The following AKT3 variants were observed in gnomAD, a reference collection of about 807,000 sequenced individuals.
AKT3 encodes the protein AKT serine/threonine kinase 3.
Under a neutral mutation model 65.3 loss-of-function variants are expected in AKT3, and 15 were observed. The ratio of observed to expected loss-of-function variants is 0.23; its 90% CI spans 0.15 to 0.35. AKT3 has a LOEUF of 0.35. AKT3 is among the 10% of genes least tolerant of loss of function. The pLI, the probability that AKT3 is intolerant of heterozygous loss-of-function variation, is 1.00. For synonymous variants in AKT3, 206 were observed against 183.8 expected, an observed-to-expected ratio of 1.12 and a Z score of -0.98; for missense variants, 243 against 576.5, an observed-to-expected ratio of 0.42 and a Z score of 5.92.
chr1:243,536,253 T>C (rs908899935), intron 12 of AKT3, among the ~76,000 whole-genome samples: 1 of 152,134 alleles, frequency 6.6e-6, no homozygotes, highest in Non-Finnish European at 1.5e-5. Context: ...TTTATTTTTG[T>C]TTTTACTGTA....
chr1:243,568,384 CT>C (rs1178421665), intron 9 of AKT3, among the ~76,000 whole-genome samples: 1 of 151,488 alleles, frequency 6.6e-6, no homozygotes, highest in Non-Finnish European at 1.5e-5. Context: ...CTAAGTAATG[CT>C]TACTATTTCT....
intron 2 of AKT3, among the ~76,000 whole-genome samples, chr1:243,828,781 G>C (rs1179188439): frequency 1.3e-5 from 2 of 152,132 alleles, no homozygotes; most frequent in Admixed American, 6.6e-5. Context: ...AAAGTGATTT[G>C]CGCATTTTTG....
chr1:243,718,194 T>A (rs184535648), intron 2 of AKT3, among the ~76,000 whole-genome samples: 30 of 152,276 alleles, frequency 2.0e-4, no homozygotes, highest in African/African-American at 6.5e-4. Context: ...GATCTGTAGC[T>A]GAAGCAATTA....
intron 2 of AKT3, among the ~76,000 whole-genome samples, chr1:243,795,714 A>G (rs61833233): frequency 2.7e-5 from 4 of 150,628 alleles, no homozygotes; most frequent in African/African-American, 4.9e-5. Context: ...CTCGTGATCC[A>G]CCCGCCTCGG....
At chr1:243,496,620 G>A (rs549610893), downstream of AKT3, among the ~76,000 whole-genome samples, 1 of 152,330 alleles carries the variant, frequency 6.6e-6, no homozygotes, top group Non-Finnish European at 1.5e-5. Context: ...TGCGAAGCCC[G>A]GGCAGGTCTC....
At chr1:243,798,159 G>A (rs1692143050) in intron 2 of AKT3, among the ~76,000 whole-genome samples, 1 of 148,168 alleles carries the variant, frequency 6.7e-6, no homozygotes, top group South Asian at 2.1e-4. Flanking sequence ...TGGGATTACA[G>A]GCCTCCCAAA....
At chr1:243,498,484 C>G (rs185133343), downstream of AKT3, among the ~76,000 whole-genome samples, 21 of 152,308 alleles carry the variant, frequency 1.4e-4, no homozygotes, top group African/African-American at 4.3e-4. Flanking sequence ...CGGAGCCCCA[C>G]CTGCATTCAG....
At chr1:243,685,861 C>G (rs1189956793) in intron 3 of AKT3, among the ~76,000 whole-genome samples, 2 of 152,140 alleles carry the variant, frequency 1.3e-5, no homozygotes, top group Non-Finnish European at 2.9e-5. Context: ...AAAACCCCTT[C>G]TTCTCAGCCC....
chr1:243,781,293 C>A (rs190944920), intron 2 of AKT3, among the ~76,000 whole-genome samples: 102 of 152,180 alleles, frequency 6.7e-4, no homozygotes, highest in Non-Finnish European at 3.1e-4. Context: ...TTTGTCCATT[C>A]ATCTTTTGGT....
At chr1:243,626,552 C>T (rs1343173596) in intron 6 of AKT3, among the ~76,000 whole-genome samples, 1 of 152,170 alleles carries the variant, frequency 6.6e-6, no homozygotes, top group Non-Finnish European at 1.5e-5. Context: ...AGGATGAGGA[C>T]TGACACAGAA....
intron 8 of AKT3, among the ~76,000 whole-genome samples, chr1:243,606,010 A>G (rs9428581): frequency 0.18 from 26,653 of 152,058 alleles, 2,544 homozygotes; most frequent in South Asian, 0.3. Flanking sequence ...TCCTGCTCCT[A>G]TGTGAAGAAG....
intron 2 of AKT3, among the ~76,000 whole-genome samples, chr1:243,752,888 T>G (rs1209606859): frequency 6.6e-6 from 1 of 152,132 alleles, no homozygotes; most frequent in African/African-American, 2.4e-5. Context: ...GAAGTTAAAG[T>G]TTTCATCCCT....
At position 243,850,064 on chromosome 1, in the gene AKT3, C is replaced by T. The variant is rs1695702238; in HGVS notation, c.-137G>A. On this transcript the variant is annotated 5_prime_UTR_variant, in exon 1 of 14. Coordinates refer to ENST00000673466, the MANE Select transcript of AKT3 (RefSeq NM_005465.7). ...CCTGCAACGGCGGCGGCGGCGGTGG[C>T]GGCCCCGCAGCTGCTCGGGCGGCGG... 1 of 961,994 alleles carries T rather than the reference C, an allele frequency of 1.0e-6. No individual in the cohort carries two copies. Among genetic ancestry groups the T allele is most frequent in the Non-Finnish European group, 1.2e-6 (1 of 814,616 alleles). 59.6% of individuals were successfully genotyped at this position (961,994 alleles called of 1,614,324 possible).
At chr1:243,615,555 G>A (rs891930415) in intron 6 of AKT3, among the ~76,000 whole-genome samples, 1 of 151,832 alleles carries the variant, frequency 6.6e-6, no homozygotes, top group Non-Finnish European at 1.5e-5. Context: ...TTTATTCAGG[G>A]GGATGAAAGG....
chr1:243,593,786 G>C (rs1250089216), intron 8 of AKT3, among the ~76,000 whole-genome samples: 2 of 152,142 alleles, frequency 1.3e-5, no homozygotes, highest in African/African-American at 4.8e-5. Flanking sequence ...AGGAATAGGA[G>C]AGAACTTAAC....
intron 2 of AKT3, among the ~76,000 whole-genome samples, chr1:243,784,428 CA>C (rs199852273): frequency 1.1e-3 from 135 of 125,546 alleles, no homozygotes; most frequent in African/African-American, 9.8e-4. Context: ...CAGCCCTCTT[CA>C]AAAAAAAAAA....
chr1:243,686,655 T>A (rs548343420), intron 3 of AKT3, among the ~76,000 whole-genome samples: 449 of 15,566 alleles, frequency 0.029, no homozygotes, highest in Non-Finnish European at 0.032. Flanking sequence ...ATATATATTT[T>A]TTTTTTTTTT....
chr1:243,770,699 A>C (rs928310212), intron 2 of AKT3, among the ~76,000 whole-genome samples: 1 of 151,284 alleles, frequency 6.6e-6, no homozygotes, highest in Admixed American at 6.6e-5. Context: ...AGAGATACCT[A>C]GTCACACTTT....
At chr1:243,767,395 G>A (rs982647269) in intron 2 of AKT3, among the ~76,000 whole-genome samples, 1 of 152,020 alleles carries the variant, frequency 6.6e-6, no homozygotes, top group Non-Finnish European at 1.5e-5. Flanking sequence ...CTATGGTTTC[G>A]TTGATCATAA....
Sources: gnomAD v4.1 joint callset for allele counts (sites outside exome capture counted in the v4.1 genomes callset) on GRCh38, gnomAD v4.1.1 for gene constraint, MANE v1.5 for transcripts, NCBI Gene and HGNC (gene_info 2026-07-23, HGNC 2026-07-21) for gene names.